RIMS2: variants seen among roughly 807,000 people sequenced by gnomAD.
RIMS2 encodes regulating synaptic membrane exocytosis 2.
RIMS2 carries 59 observed loss-of-function variants against 174.4 expected under a neutral mutation model. The observed-to-expected ratio is 0.34, with a 90% CI of 0.27 to 0.42. The LOEUF is 0.42. RIMS2 is among the 10% of genes least tolerant of loss of function. RIMS2 has a pLI of 1.00. For synonymous variants in RIMS2, 606 were observed against 572.5 expected (o/e 1.06, Z -0.84); for missense variants, 1,620 against 1,666.3 (o/e 0.97, Z 0.48).
chr8:103,792,130 A>T (rs2098504887), intron 3 of RIMS2, among the ~76,000 whole-genome samples: 2 of 152,164 alleles, frequency 1.3e-5, no homozygotes, highest in African/African-American at 4.8e-5. Context: ...TCTTCTCAGC[A>T]CCACATCGCA....
intron 19 of RIMS2, among the ~76,000 whole-genome samples, chr8:104,170,895 G>A (rs879683155): frequency 4.6e-5 from 7 of 151,846 alleles, no homozygotes; most frequent in Non-Finnish European, 7.4e-5. Context: ...AGACTTTATC[G>A]CTCCTTCATT....
chr8:103,742,411 A>G (rs1231167321), intron 2 of RIMS2, among the ~76,000 whole-genome samples: 1 of 152,086 alleles, frequency 6.6e-6, no homozygotes, highest in Non-Finnish European at 1.5e-5. Flanking sequence ...TCTGTAAGTA[A>G]TATCTTCTAC....
chr8:103,799,045 G>T (rs762448388), intron 3 of RIMS2, among the ~76,000 whole-genome samples: 1 of 151,800 alleles, frequency 6.6e-6, no homozygotes, highest in Non-Finnish European at 1.5e-5. Flanking sequence ...CAAAGAATTT[G>T]CCAGCCTCTA....
In RIMS2 at chr8:103,603,694, CT is replaced by C. The variant is rs1354525280; in HGVS notation, c.177-93391del. Among the ~76,000 whole-genome samples the C allele has an allele frequency of 1.3e-4, 18 of 142,824 alleles. No individual in the cohort carries two copies. The South Asian group carries it at 4.2e-3, about 33-fold the overall frequency. The allele number at this position is 142,824 out of a possible 152,430, so 93.7% of individuals were successfully genotyped here. Reference sequence around the variant, plus strand: ...GACTTTTTAATGATTGCCATTCTAACTGGTGTGAGATGGTATCTCATTGTGG... The same window carrying C: ...GACTTTTTAATGATTGCCATTCTAACGGTGTGAGATGGTATCTCATTGTGG... On this transcript the variant is annotated intron_variant, in intron 1 of 23. Transcript: ENST00000504942.
intron 19 of RIMS2, among the ~76,000 whole-genome samples, chr8:104,244,634 AGGT>A (rs2099320628): frequency 1.3e-5 from 2 of 152,078 alleles, no homozygotes; most frequent in African/African-American, 4.8e-5. Context: ...TTTTTTCCTT[AGGT>A]TGAATCTTTT....
intron 2 of RIMS2, among the ~76,000 whole-genome samples, chr8:103,702,970 T>A: frequency 6.9e-6 from 1 of 145,312 alleles, no homozygotes; most frequent in East Asian, 2.0e-4. Context: ...TGTTGTTGGG[T>A]GTTTTTGTGA....
At chr8:104,189,076 T>C (rs2098984038) in intron 19 of RIMS2, among the ~76,000 whole-genome samples, 1 of 152,010 alleles carries the variant, frequency 6.6e-6, no homozygotes, top group Non-Finnish European at 1.5e-5. Flanking sequence ...TTTCAAATTA[T>C]TTTGTGTATT....
chr8:103,562,401 T>C (rs1322660240), intron 1 of RIMS2, among the ~76,000 whole-genome samples: 1 of 152,194 alleles, frequency 6.6e-6, no homozygotes, highest in African/African-American at 2.4e-5. Context: ...CCCATGCAAG[T>C]CTGAAATCCA....
intron 19 of RIMS2, among the ~76,000 whole-genome samples, chr8:104,099,648 A>G (rs940063093): frequency 6.6e-6 from 1 of 151,870 alleles, no homozygotes; most frequent in Non-Finnish European, 1.5e-5. Flanking sequence ...ATTCAGGGGG[A>G]AAATTTCTGG....
At chr8:104,088,389 C>T (rs2097574012) in intron 19 of RIMS2, among the ~76,000 whole-genome samples, 1 of 152,026 alleles carries the variant, frequency 6.6e-6, no homozygotes, top group African/African-American at 2.4e-5. Flanking sequence ...ACCAAGAGCC[C>T]TGCCCAGAAC....
rs184248363 is a variant in RIMS2, at chr8:103,838,831, C to T, written c.699-46467C>T. Among the ~76,000 whole-genome samples, 142 of 152,210 alleles carry T rather than the reference C, an allele frequency of 9.3e-4. No individual in the cohort carries two copies. In the Middle Eastern group the frequency reaches 0.024, roughly 26 times the overall value. Reference sequence around the variant, plus strand: ...CTGTAATCCCAGCACTTTGGGAGGCCGAGGCGGGCAGATCACGAGGTCAGG... The same window carrying T: ...CTGTAATCCCAGCACTTTGGGAGGCTGAGGCGGGCAGATCACGAGGTCAGG... On this transcript the variant is annotated intron_variant, in intron 3 of 23. Coordinates refer to ENST00000504942, the Ensembl canonical transcript of RIMS2.
At chr8:103,997,082 AAGC>A (rs1596672603) in intron 17 of RIMS2, among the ~76,000 whole-genome samples, 1 of 151,866 alleles carries the variant, frequency 6.6e-6, no homozygotes, top group East Asian at 1.9e-4. Context: ...AGTGTGGTAG[AAGC>A]AGAAGTCAAA....
At chr8:103,769,212 G>A (rs895856165) in intron 3 of RIMS2, among the ~76,000 whole-genome samples, 1 of 152,058 alleles carries the variant, frequency 6.6e-6, no homozygotes, top group Non-Finnish European at 1.5e-5. Context: ...ATTAAGTTTT[G>A]GAATGCATTT....
intron 1 of RIMS2, among the ~76,000 whole-genome samples, chr8:103,670,060 A>G (rs2096726162): frequency 6.6e-6 from 1 of 152,194 alleles, no homozygotes; most frequent in Non-Finnish European, 1.5e-5. Flanking sequence ...GTCTCCATAC[A>G]TCCTCTGAAA....
intron 1 of RIMS2, among the ~76,000 whole-genome samples, chr8:103,551,500 A>G (rs1460698427): frequency 6.6e-6 from 1 of 152,252 alleles, no homozygotes; most frequent in Admixed American, 6.5e-5. Context: ...ATCATACTGA[A>G]TGTACAAAAA....
chr8:103,718,267 A>C (rs1018367681), intron 2 of RIMS2, among the ~76,000 whole-genome samples: 1 of 152,216 alleles, frequency 6.6e-6, no homozygotes, highest in Non-Finnish European at 1.5e-5. Context: ...AGGTTAACCA[A>C]TGAAACTAAG....
At chr8:103,587,469 A>AAAGAAAGAAAGAAAGAAAGAAAG (rs59840606) in intron 1 of RIMS2, among the ~76,000 whole-genome samples, 3 of 59,950 alleles carry the variant, frequency 5.0e-5, no homozygotes, top group Admixed American at 1.3e-4. Flanking sequence ...AGAAAGAAAG[A>AAAGAAAGAAAGAAAGAAAGAAAG]AACTATGCAC....
intron 19 of RIMS2, among the ~76,000 whole-genome samples, chr8:104,089,777 C>G (rs960288034): frequency 1.3e-5 from 2 of 151,864 alleles, no homozygotes; most frequent in South Asian, 4.1e-4. Flanking sequence ...TAATGACCTT[C>G]TGCTTTAGGC....
At chr8:103,670,659 C>T (rs1452154484) in intron 1 of RIMS2, among the ~76,000 whole-genome samples, 1 of 152,178 alleles carries the variant, frequency 6.6e-6, no homozygotes, top group Non-Finnish European at 1.5e-5. Flanking sequence ...TGTTGCCAGT[C>T]TCTTTGCTAA....
Sources: allele counts gnomAD v4.1 joint callset (sites outside exome capture counted in the v4.1 genomes callset), GRCh38; gene constraint gnomAD v4.1.1; transcripts MANE v1.5; gene names NCBI Gene and HGNC (gene_info 2026-07-23, HGNC 2026-07-21).